MPPED2: variants seen among roughly 807,000 people sequenced by gnomAD.
The protein encoded by MPPED2 is metallophosphoesterase MPPED2.
MPPED2 carries 5 observed loss-of-function variants against 33.0 expected under a neutral mutation model. The ratio of observed to expected loss-of-function variants is 0.15; its 90% CI spans 0.08 to 0.32. The LOEUF (loss-of-function observed/expected upper bound fraction) is 0.32, where lower values mean the gene tolerates loss of function less well. Ranked by LOEUF, MPPED2 falls within the 10% of genes least tolerant of loss-of-function variation. MPPED2 has a pLI of 1.00. For synonymous variants in MPPED2, 136 were observed against 141.9 expected (o/e 0.96, Z 0.29); for missense variants, 275 against 372.1 (o/e 0.74, Z 2.15).
chr11:30,554,927 A>G lies in MPPED2; in HGVS notation c.129-18752T>C, dbSNP rs192349992. On this transcript the variant is annotated intron_variant, in intron 2 of 6. Transcript: ENST00000358117. ...GTGATTTCTTGTCCTCTCCAAACCC[A>G]CAATTCACACCAGCCCCAAATGCAG... Among the ~76,000 whole-genome samples, 288 of 152,208 alleles carry G rather than the reference A, an allele frequency of 1.9e-3. 3 individuals are homozygous for G. Among genetic ancestry groups the G allele is most frequent in the African/African-American group, 6.6e-3 (273 of 41,534 alleles).
intron 4 of MPPED2, among the ~76,000 whole-genome samples, chr11:30,449,472 G>A (rs890192133): frequency 2.0e-5 from 3 of 152,068 alleles, no homozygotes; most frequent in African/African-American, 7.3e-5. Flanking sequence ...GAGACAACAT[G>A]GCAAAACCCT....
chr11:30,458,166 C>T (rs972384943), intron 4 of MPPED2, among the ~76,000 whole-genome samples: 1 of 152,060 alleles, frequency 6.6e-6, no homozygotes, highest in Non-Finnish European at 1.5e-5. Context: ...CTCAAAGGGC[C>T]TTTCTAGTTC....
intron 4 of MPPED2, among the ~76,000 whole-genome samples, chr11:30,492,212 C>A (rs1019597317): frequency 6.6e-6 from 1 of 152,016 alleles, no homozygotes; most frequent in South Asian, 2.1e-4. Context: ...TCTGTTTGTT[C>A]GATTGCTTGA....
At chr11:30,482,154 A>C (rs2134127353) in intron 4 of MPPED2, among the ~76,000 whole-genome samples, 1 of 152,316 alleles carries the variant, frequency 6.6e-6, no homozygotes, top group African/African-American at 2.4e-5. Context: ...CAGGAAAAGC[A>C]GAATAAGAGA....
chr11:30,480,915 A>C (rs545747721), intron 4 of MPPED2, among the ~76,000 whole-genome samples: 2 of 152,216 alleles, frequency 1.3e-5, no homozygotes, highest in Admixed American at 6.6e-5. Context: ...CAGGTAGGTC[A>C]GTTTTTGTCC....
At chr11:30,521,133 A>T (rs1381184451) in intron 3 of MPPED2, among the ~76,000 whole-genome samples, 3 of 152,162 alleles carry the variant, frequency 2.0e-5, no homozygotes, top group Non-Finnish European at 4.4e-5. Flanking sequence ...GTAATTTATG[A>T]ATTTGGGGGG....
chr11:30,471,693 A>C (rs757893591), intron 4 of MPPED2, among the ~76,000 whole-genome samples: 1 of 152,204 alleles, frequency 6.6e-6, no homozygotes. Context: ...TAATTTGTCC[A>C]TTCCCATATT....
chr11:30,458,346 G>A (rs1950368504), intron 4 of MPPED2, among the ~76,000 whole-genome samples: 1 of 152,160 alleles, frequency 6.6e-6, no homozygotes. Context: ...CCTAAATTAT[G>A]GAACCAGTAA....
chr11:30,555,124 T>G (rs1955904666), intron 2 of MPPED2, among the ~76,000 whole-genome samples: 1 of 152,208 alleles, frequency 6.6e-6, no homozygotes, highest in African/African-American at 2.4e-5. Flanking sequence ...GGACTTTTTT[T>G]CTTCCTCCTC....
At chr11:30,487,885 A>C (rs758567656) in intron 4 of MPPED2, among the ~76,000 whole-genome samples, 10 of 152,044 alleles carry the variant, frequency 6.6e-5, no homozygotes, top group Non-Finnish European at 1.2e-4. Flanking sequence ...AGAGCCCCTG[A>C]AGGGTGCTGG....
At chr11:30,454,611 C>T (rs902598811) in intron 4 of MPPED2, among the ~76,000 whole-genome samples, 5 of 151,948 alleles carry the variant, frequency 3.3e-5, no homozygotes, top group South Asian at 2.1e-4. Context: ...ACATAAAAAG[C>T]GTTTGCAATA....
chr11:30,451,656 A>G, intron 4 of MPPED2: 1 of 931,774 alleles, frequency 1.1e-6, no homozygotes, highest in Non-Finnish European at 1.3e-6. Context: ...CTGTATTTCA[A>G]ATGTTCACTT....
intron 4 of MPPED2, among the ~76,000 whole-genome samples, chr11:30,462,041 G>T (rs1047297307): frequency 6.6e-6 from 1 of 152,178 alleles, no homozygotes; most frequent in African/African-American, 2.4e-5. Context: ...TGGGATATGG[G>T]TGCTGGAGGG....
downstream of MPPED2, among the ~76,000 whole-genome samples, chr11:30,405,847 A>G (rs528619561): frequency 3.3e-5 from 5 of 152,242 alleles, no homozygotes; most frequent in East Asian, 9.7e-4. Context: ...TTAATGTATC[A>G]ATTCTGACAA....
chr11:30,448,788 C>G (rs189676024), intron 4 of MPPED2, among the ~76,000 whole-genome samples: 3 of 151,854 alleles, frequency 2.0e-5, no homozygotes, highest in Non-Finnish European at 4.4e-5. Context: ...GATTCTCCTG[C>G]CCCAGCCTCC....
At chr11:30,394,256 A>G (rs1947813727) in intron 6 of MPPED2, among the ~76,000 whole-genome samples, 1 of 152,186 alleles carries the variant, frequency 6.6e-6, no homozygotes, top group Non-Finnish European at 1.5e-5. Flanking sequence ...TTTTGAGTGA[A>G]CATGAGTCAT....
intron 3 of MPPED2, among the ~76,000 whole-genome samples, chr11:30,513,445 T>A (rs937592685): frequency 6.6e-6 from 1 of 152,226 alleles, no homozygotes; most frequent in African/African-American, 2.4e-5. Context: ...TCGTGGCCAA[T>A]TGATGGTGAC....
chr11:30,457,982 G>T (rs536426081), intron 4 of MPPED2, among the ~76,000 whole-genome samples: 1 of 152,308 alleles, frequency 6.6e-6, no homozygotes, highest in African/African-American at 2.4e-5. Flanking sequence ...GGCAGGGCTG[G>T]AATGTAAGAA....
At chr11:30,532,956 T>C (rs1479820779) in intron 3 of MPPED2, among the ~76,000 whole-genome samples, 1 of 152,210 alleles carries the variant, frequency 6.6e-6, no homozygotes, top group African/African-American at 2.4e-5. Context: ...AGATTTAAGA[T>C]GGGCAGAGCT....
Sources: gnomAD v4.1 joint callset for allele counts (sites outside exome capture counted in the v4.1 genomes callset) on GRCh38, gnomAD v4.1.1 for gene constraint, MANE v1.5 for transcripts, NCBI Gene and HGNC (gene_info 2026-07-23, HGNC 2026-07-21) for gene names.